The following CDH18 variants were observed in gnomAD, a reference collection of about 807,000 sequenced individuals.
The protein encoded by CDH18 is cadherin-18.
CDH18 carries 31 observed loss-of-function variants against 67.9 expected under a neutral mutation model. The ratio of observed to expected loss-of-function variants is 0.46; its 90% confidence interval spans 0.34 to 0.62. The LOEUF is 0.62. CDH18 is among the 20% of genes least tolerant of loss of function. The pLI is 0.01. For synonymous variants in CDH18, 362 were observed against 347.2 expected (o/e 1.04, Z -0.48); for missense variants, 890 against 975.5 (o/e 0.91, Z 1.17).
At chr5:19,699,287 T>C (rs1271412978) in intron 5 of CDH18, among the ~76,000 whole-genome samples, 2 of 152,150 alleles carry the variant, frequency 1.3e-5, no homozygotes, top group Admixed American at 1.3e-4. Context: ...TAACCTGCAA[T>C]TGATCTATGA....
intron 9 of CDH18, among the ~76,000 whole-genome samples, chr5:19,543,498 T>C (rs1561307121): frequency 6.6e-6 from 1 of 152,174 alleles, no homozygotes; most frequent in Non-Finnish European, 1.5e-5. Flanking sequence ...ACATTTTTCT[T>C]TCTTTCTTTT....
rs531814714 is a variant in CDH18, at chr5:19,725,617, A to T, written c.524-4151T>A. On this transcript the variant is annotated intron_variant, in intron 4 of 12. Coordinates refer to ENST00000382275, the MANE Select transcript of CDH18 (RefSeq NM_004934.5). ...AAATCTCATCTCTACTAAAAATACAAAATTATCTGGACGTGGTGGTGCATG... is the reference window on the plus strand; with the variant it reads ...AAATCTCATCTCTACTAAAAATACATAATTATCTGGACGTGGTGGTGCATG... Among the ~76,000 whole-genome samples the T allele has an allele frequency of 4.6e-5, 7 of 152,238 alleles. No individual in the cohort carries two copies. The South Asian group carries it at 1.5e-3, about 32-fold the overall frequency.
At chr5:19,816,050 C>T (rs369663671) in intron 3 of CDH18, among the ~76,000 whole-genome samples, 3 of 151,776 alleles carry the variant, frequency 2.0e-5, no homozygotes, top group African/African-American at 4.8e-5. Flanking sequence ...AGATAGAGAA[C>T]GTCATTCTTT....
intron 1 of CDH18, among the ~76,000 whole-genome samples, chr5:20,309,582 C>T (rs1042874630): frequency 2.0e-5 from 3 of 152,194 alleles, no homozygotes; most frequent in African/African-American, 7.2e-5. Flanking sequence ...AAGACAGTTA[C>T]TGCTGCCTAA....
chr5:20,352,076 A>C lies in CDH18; in HGVS notation c.-579-96571T>G, dbSNP rs7719463. Among the ~76,000 whole-genome samples, 1,028 of 152,292 alleles carry C rather than the reference A, an allele frequency of 6.8e-3. 8 individuals carry two copies. Among genetic ancestry groups the C allele is most frequent in the African/African-American group, 0.023 (965 of 41,574 alleles). ...AGCAAAAAATCTGCATCAATCATTT[A>C]TGCAAGTGATCCAAATGCATACACA... On this transcript the variant is annotated intron_variant, in intron 1 of 14. Transcript: ENST00000507958.
intron 6 of CDH18, among the ~76,000 whole-genome samples, chr5:19,593,732 C>G (rs112610885): frequency 0.011 from 1,420 of 128,818 alleles, 275 homozygotes; most frequent in South Asian, 0.024. Context: ...TCTTCTTCTT[C>G]TTCTTCTTCT....
rs532605280 is a variant in CDH18 at position 20,118,533 on chromosome 5, T to C, written c.-517-126519A>G. Among the ~76,000 whole-genome samples the C allele has an allele frequency of 2.6e-5, 4 of 152,314 alleles. No homozygotes were observed. The South Asian group carries it at 6.2e-4, about 24-fold the overall frequency. ...AACTAACCCTATGTCAACTTTAGAA[T>C]GTAGTCCAAACAATTTAGCATGTCA... is the stretch of plus-strand genomic sequence containing the variant. On this transcript the variant is annotated intron_variant, in intron 2 of 14. Coordinates refer to the CDH18 transcript ENST00000507958.
chr5:20,482,336 A>C (rs1752872109), intron 1 of CDH18, among the ~76,000 whole-genome samples: 1 of 152,102 alleles, frequency 6.6e-6, no homozygotes, highest in Non-Finnish European at 1.5e-5. Context: ...CAATGGCTTC[A>C]TTGCTGAATT....
At chr5:19,961,372 G>T (rs929306679) in intron 2 of CDH18, among the ~76,000 whole-genome samples, 1 of 151,896 alleles carries the variant, frequency 6.6e-6, no homozygotes, top group African/African-American at 2.4e-5. Context: ...CTCCCAAACC[G>T]CAAGGATTAC....
chr5:19,748,046 G>C (rs1770291664), intron 3 of CDH18, among the ~76,000 whole-genome samples: 1 of 134,998 alleles, frequency 7.4e-6, no homozygotes, highest in Non-Finnish European at 1.5e-5. Flanking sequence ...CTGGGAGGCG[G>C]AGCTTGCAGT....
At chr5:19,553,292 C>T (rs977578994) in intron 8 of CDH18, among the ~76,000 whole-genome samples, 4 of 152,014 alleles carry the variant, frequency 2.6e-5, no homozygotes, top group Admixed American at 1.3e-4. Context: ...CATTTCACCA[C>T]AAGAAATTAA....
In CDH18 at chr5:19,667,040, A is replaced by G. The variant is rs542622092; in HGVS notation, c.643+54307T>C. Among the ~76,000 whole-genome samples the G allele has an allele frequency of 2.0e-5, 3 of 152,168 alleles. No individual in the cohort carries two copies. In the South Asian group the frequency reaches 6.2e-4, roughly 32 times the overall value. Reference sequence around the variant, plus strand: ...TTTTAAGTGTTGAAATAATCTCAATAAAGTTTTTAATTCAATTACAATTTC... The same window carrying G: ...TTTTAAGTGTTGAAATAATCTCAATGAAGTTTTTAATTCAATTACAATTTC... On this transcript the variant is annotated intron_variant, in intron 5 of 12. Coordinates refer to ENST00000382275, the MANE Select transcript of CDH18 (RefSeq NM_004934.5).
intron 2 of CDH18, among the ~76,000 whole-genome samples, chr5:19,963,867 C>T (rs1297024819): frequency 1.3e-5 from 2 of 151,942 alleles, no homozygotes; most frequent in African/African-American, 4.8e-5. Context: ...ATCTTCTTCA[C>T]AAGGTGGCCA....
chr5:19,712,922 A>C (rs533429856), intron 5 of CDH18, among the ~76,000 whole-genome samples: 3 of 151,864 alleles, frequency 2.0e-5, no homozygotes, highest in African/African-American at 7.2e-5. Flanking sequence ...ATTTAAAGTA[A>C]TGAAAGAAAA....
At chr5:20,164,947 C>T (rs1736175084) in intron 2 of CDH18, among the ~76,000 whole-genome samples, 1 of 152,104 alleles carries the variant, frequency 6.6e-6, no homozygotes, top group African/African-American at 2.4e-5. Flanking sequence ...TTCCTGATTT[C>T]TTCCCCAGTG....
chr5:19,614,597 T>A (rs1340919380), intron 5 of CDH18, among the ~76,000 whole-genome samples: 1 of 152,138 alleles, frequency 6.6e-6, no homozygotes, highest in Admixed American at 6.5e-5. Context: ...TAATTATAAA[T>A]AGGACTTGTC....
intron 2 of CDH18, among the ~76,000 whole-genome samples, chr5:20,066,916 G>C (rs2150518210): frequency 6.6e-6 from 1 of 151,806 alleles, no homozygotes; most frequent in Admixed American, 6.6e-5. Flanking sequence ...TTTATATTGA[G>C]AAGCTCCTCT....
intron 4 of CDH18, among the ~76,000 whole-genome samples, chr5:19,738,200 G>A (rs1173329885): frequency 2.6e-5 from 4 of 151,594 alleles, no homozygotes; most frequent in East Asian, 3.9e-4. Flanking sequence ...AAGGGACTAC[G>A]GACCACTATA....
At chr5:19,683,043 C>T (rs544813780) in intron 5 of CDH18, among the ~76,000 whole-genome samples, 17 of 151,968 alleles carry the variant, frequency 1.1e-4, no homozygotes, top group Middle Eastern at 3.4e-3. Flanking sequence ...ATATTATCTC[C>T]ATTTTTACAG....
Sources: allele counts gnomAD v4.1 joint callset (sites outside exome capture counted in the v4.1 genomes callset), GRCh38; gene constraint gnomAD v4.1.1; transcripts MANE v1.5; gene names NCBI Gene and HGNC (gene_info 2026-07-23, HGNC 2026-07-21).